SFMBT2: variants seen among roughly 807,000 people sequenced by gnomAD.
SFMBT2 encodes Scm like with four mbt domains 2.
In SFMBT2, 38 loss-of-function variants were observed where a neutral mutation model predicts 110.1. That is an observed-to-expected ratio of 0.35 (90% CI 0.27 to 0.45). SFMBT2 has a LOEUF of 0.45. Among genes scored for constraint, SFMBT2 ranks in the 20% least tolerant of loss-of-function variants. The pLI is 1.00. For synonymous variants in SFMBT2, 425 were observed against 425.4 expected, an observed-to-expected ratio of 1.00 and a Z score of 0.01; for missense variants, 1,011 against 1,094.9, an observed-to-expected ratio of 0.92 and a Z score of 1.08.
chr10:7,351,089 A>T (rs1236492187), intron 4 of SFMBT2, among the ~76,000 whole-genome samples: 1 of 152,192 alleles, frequency 6.6e-6, no homozygotes, highest in East Asian at 1.9e-4. Flanking sequence ...CTGTCTTCTC[A>T]TGCTTCTAAT....
Position 7,240,006 on chromosome 10 carries a change from G to A in SFMBT2, c.1120+3552C>T, listed in dbSNP as rs147006588. Among the ~76,000 whole-genome samples the A allele has an allele frequency of 2.6e-5, 4 of 151,936 alleles. No homozygotes were observed. The East Asian group carries it at 7.7e-4, about 29-fold the overall frequency. ...GTAAGGTTGATGAAATCATCTTTAG[G>A]ATCCCTTTCAGTTATAAAAACCCTC... On this transcript the variant is annotated intron_variant, in intron 9 of 20. Coordinates refer to ENST00000397167, the MANE Select transcript of SFMBT2 (RefSeq NM_001387889.1).
At chr10:7,312,374 A>T (rs964573224) in intron 4 of SFMBT2, among the ~76,000 whole-genome samples, 2 of 152,336 alleles carry the variant, frequency 1.3e-5, no homozygotes, top group South Asian at 4.1e-4. Flanking sequence ...CGAGCACGTG[A>T]TGAGTCCAGC....
At chr10:7,245,462 C>T (rs1420964847) in intron 8 of SFMBT2, among the ~76,000 whole-genome samples, 2 of 152,206 alleles carry the variant, frequency 1.3e-5, no homozygotes, top group Non-Finnish European at 2.9e-5. Context: ...CGTGGGAACA[C>T]TCCAAAGGAA....
chr10:7,377,789 T>C (rs536168849), intron 2 of SFMBT2, among the ~76,000 whole-genome samples: 1 of 152,282 alleles, frequency 6.6e-6, no homozygotes, highest in South Asian at 2.1e-4. Context: ...ACTCACCTCC[T>C]GTGGTGCAGC....
intron 6 of SFMBT2, among the ~76,000 whole-genome samples, chr10:7,280,131 G>A (rs1841908438): frequency 6.6e-6 from 1 of 152,196 alleles, no homozygotes; most frequent in South Asian, 2.1e-4. Flanking sequence ...GAAGGCGGCT[G>A]TCTGCAAACC....
chr10:7,319,854 G>C (rs1843123788), intron 4 of SFMBT2, among the ~76,000 whole-genome samples: 2 of 151,276 alleles, frequency 1.3e-5, no homozygotes, highest in Non-Finnish European at 2.9e-5. Flanking sequence ...GAGAGACAGA[G>C]AGAGACACAG....
At chr10:7,213,481 G>C (rs1237284174) in intron 11 of SFMBT2, among the ~76,000 whole-genome samples, 1 of 152,144 alleles carries the variant, frequency 6.6e-6, no homozygotes, top group Non-Finnish European at 1.5e-5. Flanking sequence ...GGTGGTGGGA[G>C]GGCAGGAATT....
intron 4 of SFMBT2, among the ~76,000 whole-genome samples, chr10:7,350,182 A>G (rs1355940490): frequency 6.6e-6 from 1 of 151,436 alleles, no homozygotes; most frequent in Non-Finnish European, 1.5e-5. Flanking sequence ...ATCGTGTCTT[A>G]GTTCCTAGAT....
At chr10:7,358,492 C>T (rs1381235178) in intron 4 of SFMBT2, among the ~76,000 whole-genome samples, 2 of 151,828 alleles carry the variant, frequency 1.3e-5, no homozygotes, top group African/African-American at 4.8e-5. Context: ...ACCGGCATGG[C>T]CCTAGAACAC....
chr10:7,373,499 C>T lies in SFMBT2; in HGVS notation c.101-3124G>A, dbSNP rs114514632. Among the ~76,000 whole-genome samples, 760 of 152,308 alleles carry T rather than the reference C, an allele frequency of 5.0e-3. 4 individuals carry two copies. Among genetic ancestry groups the T allele is most frequent in the African/African-American group, 0.018 (728 of 41,552 alleles). On this transcript the variant is annotated intron_variant, in intron 2 of 20. Coordinates refer to ENST00000397167, the MANE Select transcript of SFMBT2 (RefSeq NM_001387889.1). Reference sequence around the variant, plus strand: ...ATGGATGTATACTCACAGGGGCAATCTTGAGAGCTCAGAAAGGACAGGGAA... The same window carrying T: ...ATGGATGTATACTCACAGGGGCAATTTTGAGAGCTCAGAAAGGACAGGGAA...
chr10:7,171,284 GCA>G lies in SFMBT2; in HGVS notation c.2416-230_2416-229del. 1.3e-6 allele frequency: 1 copy of G among 795,676 alleles called. No individual in the cohort carries two copies. The highest frequency in any genetic ancestry group is 5.7e-5 in the South Asian group (1 of 17,560). The allele number at this position is 795,676 out of a possible 1,614,324, so 49.3% of individuals were successfully genotyped here. On this transcript the variant is annotated intron_variant, in intron 19 of 20. Transcript: ENST00000397167. This position sits in a 1 kb window ranked among gnomAD's most constrained non-coding sequence, Gnocchi z 4.9. ...TGTGCCTTCAGATGGAAGAAGGCAG[GCA>G]CAGTGACAGTCGCTCTTGCATCCCT...
At chr10:7,336,058 T>A (rs1333588866) in intron 4 of SFMBT2, among the ~76,000 whole-genome samples, 1 of 152,252 alleles carries the variant, frequency 6.6e-6, no homozygotes, top group Non-Finnish European at 1.5e-5. Flanking sequence ...ACTGAAGTAC[T>A]TAATATTTCC....
rs541324995 is a variant in SFMBT2, at chr10:7,158,901, T to C, written c.*4869A>G. On this transcript the variant is annotated 3_prime_UTR_variant, in exon 21 of 21. Coordinates refer to ENST00000397167, the MANE Select transcript of SFMBT2 (RefSeq NM_001387889.1). ...TCAATACAAACTATTCAAACTAGAA[T>C]GCAAAACAGTGAAAGAGCTTTCAAC... The C allele has an allele frequency of 3.3e-5, 5 of 152,158 alleles. No individual in the cohort carries two copies. The highest frequency in any genetic ancestry group is 7.2e-5 in the African/African-American group (3 of 41,442). 9.4% of individuals were successfully genotyped at this position (152,158 alleles called of 1,614,324 possible).
At chr10:7,385,733 C>T (rs1260841821) in intron 1 of SFMBT2, among the ~76,000 whole-genome samples, 1 of 152,202 alleles carries the variant, frequency 6.6e-6, no homozygotes, top group Non-Finnish European at 1.5e-5. Context: ...GGCACAGTGG[C>T]TCACGCCTGT....
intron 4 of SFMBT2, among the ~76,000 whole-genome samples, chr10:7,343,705 T>G (rs1342318544): frequency 6.6e-6 from 1 of 152,224 alleles, no homozygotes; most frequent in Non-Finnish European, 1.5e-5. Flanking sequence ...GAAGTGTCTA[T>G]TCATGTCCTT....
At position 7,298,834 on chromosome 10, in the gene SFMBT2, T is replaced by C. The variant is rs144700153; in HGVS notation, c.437-12880A>G. On this transcript the variant is annotated intron_variant, in intron 4 of 20. Transcript: ENST00000397167. ...CTAAGACCTCTTCCAAGAAGCTTCA[T>C]TGGATTCATCAAATTCTCAAAGAGC... Among the ~76,000 whole-genome samples the C allele has an allele frequency of 1.4e-3, 215 of 152,228 alleles. 3 individuals carry two copies. The East Asian group carries it at 0.018, about 13-fold the overall frequency.
At chr10:7,304,361 A>C (rs1447608688) in intron 4 of SFMBT2, among the ~76,000 whole-genome samples, 2 of 152,160 alleles carry the variant, frequency 1.3e-5, no homozygotes, top group African/African-American at 4.8e-5. Context: ...CATGATTGTG[A>C]GGCCTCCCCA....
At chr10:7,320,607 T>C in intron 4 of SFMBT2, 2 of 985,320 alleles carry the variant, frequency 2.0e-6, no homozygotes, top group Non-Finnish European at 2.4e-6. Flanking sequence ...AGCCAATATA[T>C]GGAATTCCTT....
chr10:7,315,187 G>A (rs181275494), intron 4 of SFMBT2, among the ~76,000 whole-genome samples: 1 of 152,356 alleles, frequency 6.6e-6, no homozygotes, highest in Admixed American at 6.5e-5. Flanking sequence ...TCCATTGTGT[G>A]TGTCAATGTG....
Sources: gnomAD v4.1 joint callset for allele counts (sites outside exome capture counted in the v4.1 genomes callset) on GRCh38, gnomAD v4.1.1 for gene constraint, Gnocchi (gnomAD v3.1) non-coding constraint, MANE v1.5 for transcripts, NCBI Gene and HGNC (gene_info 2026-07-23, HGNC 2026-07-21) for gene names.